Variants in MUC6 observed in about 807,000 individuals in gnomAD.
The protein encoded by MUC6 is mucin-6.
A neutral mutation model predicts 201.5 loss-of-function variants in MUC6; 188 were observed. That is an observed-to-expected ratio of 0.93 (90% CI 0.83 to 1.05). MUC6 has a LOEUF of 1.05. MUC6 is among the 50% of genes least tolerant of loss of function. MUC6 has a pLI of 0.00. For synonymous variants in MUC6, 1,228 were observed against 1,389.4 expected, an observed-to-expected ratio of 0.88 and a Z score of 2.58; for missense variants, 2,706 against 3,256.9, an observed-to-expected ratio of 0.83 and a Z score of 4.12.
intron 27 of MUC6, 131 bp downstream of exon 27, chr11:1,021,084 A>G (rs1056948108): frequency 2.2e-6 from 2 of 890,332 alleles, no homozygotes; most frequent in Admixed American, 3.2e-5. Flanking sequence ...GGTCCTGGAG[A>G]GTGGAGTCCC....
intron 19 of MUC6, 56 bp downstream of exon 19, chr11:1,026,885 C>T (rs1856972074): frequency 6.9e-7 from 1 of 1,456,786 alleles, no homozygotes; most frequent in South Asian, 1.3e-5. Context: ...GTGGAAACCC[C>T]CTCATGGTTC....
intron 22 of MUC6, 24 bp downstream of exon 22, chr11:1,025,781 G>C: frequency 4.4e-6 from 7 of 1,594,876 alleles, no homozygotes; most frequent in Non-Finnish European, 6.0e-6. Context: ...GTCCTGCCCT[G>C]CCAGAGTCTG....
At chr11:1,024,718 C>T (rs1856908816) in intron 24 of MUC6, 126 bp downstream of exon 24, 11 of 1,419,452 alleles carry the variant, frequency 7.7e-6, no homozygotes, top group East Asian at 2.5e-5. Context: ...AAACTCTCTG[C>T]ACCCTGACCT....
At position 1,027,170 on chromosome 11, in the gene MUC6, C is replaced by T. The variant is rs1421750169; in HGVS notation, c.2255G>A (p.Ser752Asn). 1 of 1,612,630 alleles carries T rather than the reference C, an allele frequency of 6.2e-7. No individual in the cohort carries two copies. Among genetic ancestry groups the T allele is most frequent in the South Asian group, 1.1e-5 (1 of 91,086 alleles). The change falls in exon 18 of 33, where the codon AGT (serine) becomes AAT (asparagine). Residue 752 changes from serine to asparagine, a missense_variant. Around this residue, in one of 10 missense-constraint regions of MUC6, gnomAD observed 1,850 missense variants for 1,958.3 expected, o/e 0.94. Transcript: ENST00000421673. ...ITCHCINGRL[S>N]CPQRPQMFLA... Reference sequence around the variant, plus strand: ...GAACATCTGTGGCCGCTGCGGGCAACTCAGCCGCCCGTTGATGCAGTGGCT... The same window carrying T: ...GAACATCTGTGGCCGCTGCGGGCAATTCAGCCGCCCGTTGATGCAGTGGCT...
intron 2 of MUC6, among the ~76,000 whole-genome samples, chr11:1,032,259 CGTGT>C (rs1475181189): frequency 6.6e-6 from 1 of 152,148 alleles, no homozygotes; most frequent in African/African-American, 2.4e-5. Flanking sequence ...TGTGCACACA[CGTGT>C]GTGTGGGTAC....
In MUC6 at chr11:1,033,121, C is replaced by G. The variant is rs769245538; in HGVS notation, c.53-46G>C. On this transcript the variant is annotated intron_variant, in intron 1 of 32. Coordinates refer to ENST00000421673, the MANE Select transcript of MUC6 (RefSeq NM_005961.3). This position sits in a 1 kb window ranked among gnomAD's most constrained non-coding sequence, Gnocchi z 5.6. The stretch of plus-strand genomic sequence containing the variant: ...GTCGGTGTGGGGCTACCCCGTCGTC[C>G]CTGAGGGCGCCGCTCACCTCTGCTC... The G allele has an allele frequency of 6.3e-7, 1 of 1,580,072 alleles. No individual in the cohort carries two copies. The highest frequency in any genetic ancestry group is 8.7e-7 in the Non-Finnish European group (1 of 1,149,768).
chr11:1,015,260 G>A (rs1286498708), intron 31 of MUC6, among the ~76,000 whole-genome samples: 1 of 152,242 alleles, frequency 6.6e-6, no homozygotes, highest in Non-Finnish European at 1.5e-5. Flanking sequence ...GCACGAAGGA[G>A]CAGGTGCCCT....
intron 27 of MUC6, 91 bp downstream of exon 27, chr11:1,021,124 A>G (rs1564837715): frequency 1.6e-6 from 2 of 1,273,692 alleles, no homozygotes; most frequent in Non-Finnish European, 2.1e-6. Context: ...ACAGCCCCCG[A>G]GGGCTCTCTC....
intron 15 of MUC6, 68 bp downstream of exon 15, chr11:1,027,897 G>A (rs1240786728): frequency 1.3e-6 from 2 of 1,568,944 alleles, no homozygotes; most frequent in East Asian, 4.7e-5. Flanking sequence ...ATGCCCTTGG[G>A]TGCCTGAGAC....
chr11:1,022,616 T>C (rs1856842491), intron 26 of MUC6, among the ~76,000 whole-genome samples: 1 of 152,222 alleles, frequency 6.6e-6, no homozygotes, highest in Non-Finnish European at 1.5e-5. Flanking sequence ...TGGGTCTGCC[T>C]CCTTAAGCAC....
At position 1,027,725 on chromosome 11, in the gene MUC6, G is replaced by GC. The variant is rs1564842211; in HGVS notation, c.1940dup (p.Val648ArgfsTer20). 1.2e-6 allele frequency: 2 copies of GC among 1,606,622 alleles called. No individual in the cohort carries two copies. Among genetic ancestry groups the GC allele is most frequent in the East Asian group, 4.5e-5 (2 of 44,630 alleles). On this transcript the variant is annotated frameshift_variant, in exon 16 of 33. Transcript: ENST00000421673. LOFTEE classifies it high-confidence loss of function. The stretch of plus-strand genomic sequence containing the variant: ...TGCTTCTCCAGCCCCAGAGCAGGAC[G>GC]CCCCGCAAGGAGCAGGCGTGTACGT...
chr11:1,031,400 T>A, intron 4 of MUC6, 141 bp from the exon 5 acceptor site: 1 of 1,164,576 alleles, frequency 8.6e-7, no homozygotes, highest in Non-Finnish European at 1.2e-6. Flanking sequence ...GGGAGGCTAA[T>A]TTTCCAGTGG....
In MUC6 at chr11:1,030,982, C is replaced by A; in HGVS notation, c.649G>T (p.Asp217Tyr). ...DDPGEICTFQ[D>Y]IPSTHVRQAQ... is the part of the protein sequence containing the mutation. ...TGCCGGACGTGGGTGCTGGGGATGTCCTGGAAGGTGCAGATCTCGCCGGGG... is the reference window on the plus strand; with the variant it reads ...TGCCGGACGTGGGTGCTGGGGATGTACTGGAAGGTGCAGATCTCGCCGGGG... The change falls in exon 6 of 33, where the codon GAC (aspartate) becomes TAC (tyrosine). Residue 217 changes from aspartate to tyrosine, a missense_variant. Physicochemically the swap from Asp to Tyr is radical, Grantham distance 160. Coordinates refer to ENST00000421673, the MANE Select transcript of MUC6 (RefSeq NM_005961.3). 6.3e-7 allele frequency: 1 copy of A among 1,585,858 alleles called. No homozygotes were observed. Among genetic ancestry groups the A allele is most frequent in the Non-Finnish European group, 8.6e-7 (1 of 1,166,978 alleles).
At chr11:1,030,366 T>TGCCCCCCCCCCCCCCCCCCCCCCCGCC in intron 7 of MUC6, 31 bp from the exon 8 acceptor site, 1 of 1,489,594 alleles carries the variant, frequency 6.7e-7, no homozygotes, top group Non-Finnish European at 9.1e-7. Flanking sequence ...GGTGAGAGGG[T>TGCCCCCCCCCCCCCCCCCCCCCCCGCC]CCCACCCCCC....
intron 30 of MUC6, 132 bp downstream of exon 30, chr11:1,019,143 A>G: frequency 1.8e-6 from 2 of 1,096,930 alleles, no homozygotes; most frequent in Admixed American, 2.2e-5. Context: ...TCCAGCCTAC[A>G]CTTTTGGGCT....
Position 1,019,316 on chromosome 11 carries a change from G to A in MUC6, c.3989C>T (p.Thr1330Ile), listed in dbSNP as rs1253211556. 1 of 1,614,050 alleles carries A rather than the reference G, an allele frequency of 6.2e-7. No homozygotes were observed. Among genetic ancestry groups the A allele is most frequent in the African/African-American group, 1.3e-5 (1 of 75,074 alleles). ...TAQSTTRTTMTLPTPATSGTS... is the reference protein window; with the variant it reads ...TAQSTTRTTMILPTPATSGTS... ...CCCTGATGTGGCTGGGGTTGGTAGT[G>A]TCATTGTGGTCCGTGTTGTGGACTG... Residue 1330 changes from threonine to isoleucine, a missense_variant, in exon 30 of 33, where the codon ACA becomes ATA. Physicochemically the swap from Thr to Ile is moderately conservative, Grantham distance 89. This residue lies in a region of MUC6 where 1,850 missense variants were observed against 1,958.3 expected (regional missense o/e 0.94). Coordinates refer to ENST00000421673, the MANE Select transcript of MUC6 (RefSeq NM_005961.3).
chr11:1,028,518 G>C, intron 13 of MUC6, 128 bp downstream of exon 13: 1 of 1,531,668 alleles, frequency 6.5e-7, no homozygotes, highest in Non-Finnish European at 8.8e-7. Flanking sequence ...ACACGTGCCT[G>C]TTACCCCTGG....
Position 1,033,688 on chromosome 11 carries a change from G to A in MUC6, c.53-613C>T, listed in dbSNP as rs1022052299. ...ACTCCAGGGCAGGGCAGCGGGGGAC[G>A]TCCCACCCTGACTCCCAGAGGCTGG... On this transcript the variant is annotated intron_variant, in intron 1 of 32. Coordinates refer to ENST00000421673, the MANE Select transcript of MUC6 (RefSeq NM_005961.3). This position sits in a 1 kb window ranked among gnomAD's most constrained non-coding sequence, Gnocchi z 5.6. 1.3e-5 allele frequency among the ~76,000 whole-genome samples: 2 copies of A among 151,964 alleles called. No homozygotes were observed. Among genetic ancestry groups the A allele is most frequent in the Non-Finnish European group, 2.9e-5 (2 of 67,930 alleles).
intron 25 of MUC6, 133 bp downstream of exon 25, chr11:1,023,814 G>A: frequency 6.9e-7 from 1 of 1,440,662 alleles, no homozygotes. Flanking sequence ...GGGAGGGCCA[G>A]GGTGGCCCCG....
Sources: gnomAD v4.1 joint callset for allele counts (sites outside exome capture counted in the v4.1 genomes callset) on GRCh38, gnomAD v4.1.1 for gene constraint, gnomAD v4.1.1 regional missense constraint, Gnocchi (gnomAD v3.1) non-coding constraint, MANE v1.5 for transcripts, NCBI Gene and HGNC (gene_info 2026-07-23, HGNC 2026-07-21) for gene names.